Variants in CTNNA2 observed in about 807,000 individuals in gnomAD.
CTNNA2 encodes the protein catenin alpha 2.
A neutral mutation model predicts 101.0 loss-of-function variants in CTNNA2; 42 were observed. The ratio of observed to expected loss-of-function variants is 0.42; its 90% CI spans 0.32 to 0.54. The LOEUF (loss-of-function observed/expected upper bound fraction) is 0.54, where lower values mean the gene tolerates loss of function less well. Ranked by LOEUF, CTNNA2 falls within the 20% of genes least tolerant of loss-of-function variation. The pLI is 0.14. For synonymous variants in CTNNA2, 450 were observed against 456.4 expected (o/e 0.99, Z 0.18); for missense variants, 871 against 1,223.1 (o/e 0.71, Z 4.29).
intron 4 of CTNNA2, among the ~76,000 whole-genome samples, chr2:79,439,669 T>C (rs1030572363): frequency 2.0e-5 from 3 of 152,180 alleles, no homozygotes; most frequent in African/African-American, 7.2e-5. Flanking sequence ...TGGGGCCTGA[T>C]ATTCTGGGTA....
At chr2:80,393,646 G>C (rs751660035) in intron 8 of CTNNA2, among the ~76,000 whole-genome samples, 1 of 152,108 alleles carries the variant, frequency 6.6e-6, no homozygotes, top group Non-Finnish European at 1.5e-5. Flanking sequence ...TCAAACTCCC[G>C]GGAATTTAGT....
At chr2:80,150,333 T>C (rs1311019182) in intron 7 of CTNNA2, among the ~76,000 whole-genome samples, 1 of 152,108 alleles carries the variant, frequency 6.6e-6, no homozygotes, top group African/African-American at 2.4e-5. Context: ...TTTAGCTCCC[T>C]GGCCACAGGG....
intron 8 of CTNNA2, among the ~76,000 whole-genome samples, chr2:80,404,315 C>T (rs13410694): frequency 0.022 from 3,319 of 151,364 alleles, 65 homozygotes; most frequent in South Asian, 0.055. Context: ...AGCTAGCAGT[C>T]GATTTTATTA....
chr2:79,893,104 A>G (rs1318868243), intron 6 of CTNNA2, among the ~76,000 whole-genome samples: 1 of 152,084 alleles, frequency 6.6e-6, no homozygotes, highest in African/African-American at 2.4e-5. Context: ...ATCACTTTTC[A>G]CATATGATAG....
chr2:80,358,107 C>A (rs1417949850), intron 7 of CTNNA2, among the ~76,000 whole-genome samples: 1 of 151,982 alleles, frequency 6.6e-6, no homozygotes, highest in Non-Finnish European at 1.5e-5. Flanking sequence ...TTAGTTTTAT[C>A]ACCCAGAAAG....
chr2:79,768,364 C>A (rs1573919119), intron 3 of CTNNA2, among the ~76,000 whole-genome samples: 1 of 151,080 alleles, frequency 6.6e-6, no homozygotes, highest in Admixed American at 6.6e-5. Context: ...TTTTTAGTGC[C>A]TCTTTCAGTG....
chr2:80,256,820 C>G (rs964794007), intron 7 of CTNNA2, among the ~76,000 whole-genome samples: 2 of 152,144 alleles, frequency 1.3e-5, no homozygotes, highest in Non-Finnish European at 2.9e-5. Flanking sequence ...GAGAATTTCA[C>G]AGCTTGAACA....
intron 18 of CTNNA2, among the ~76,000 whole-genome samples, chr2:80,637,764 A>AGG (rs929129863): frequency 2.6e-5 from 4 of 152,148 alleles, no homozygotes; most frequent in African/African-American, 9.7e-5. Flanking sequence ...TGAAAGAATG[A>AGG]GGAAGGATCG....
At chr2:79,945,099 G>C (rs1688406707) in intron 7 of CTNNA2, among the ~76,000 whole-genome samples, 1 of 152,144 alleles carries the variant, frequency 6.6e-6, no homozygotes, top group Admixed American at 6.5e-5. Context: ...CTGGAGTGCA[G>C]TGGCACCACC....
chr2:79,847,078 C>T (rs754827541), intron 3 of CTNNA2, among the ~76,000 whole-genome samples: 1 of 152,152 alleles, frequency 6.6e-6, no homozygotes, highest in Non-Finnish European at 1.5e-5. Flanking sequence ...AATGCAACCT[C>T]AGCATTAGTT....
Position 80,487,328 on chromosome 2 carries a change from A to G in CTNNA2, c.1291-57654A>G, listed in dbSNP as rs552363211. ...CACAATTTTAATCAATTAAGTCTGT[A>G]TAGTTGTAGTAGTCCATTCTCATGC... On this transcript the variant is annotated intron_variant, in intron 9 of 18. Transcript: ENST00000402739. Among the ~76,000 whole-genome samples the G allele has an allele frequency of 2.6e-5, 4 of 151,778 alleles. 1 individual carries two copies. The South Asian group carries it at 8.3e-4, about 32-fold the overall frequency.
chr2:79,775,028 A>G (rs1673860554), intron 3 of CTNNA2, among the ~76,000 whole-genome samples: 1 of 152,150 alleles, frequency 6.6e-6, no homozygotes. Flanking sequence ...TGCTGAGCTT[A>G]TCTAGTTGGA....
intron 3 of CTNNA2, among the ~76,000 whole-genome samples, chr2:79,313,776 G>C (rs540275425): frequency 6.6e-6 from 1 of 152,278 alleles, no homozygotes; most frequent in East Asian, 1.9e-4. Context: ...TGCCCATAGA[G>C]CCCAGCATGG....
intron 7 of CTNNA2, among the ~76,000 whole-genome samples, chr2:80,004,833 G>T (rs2103981082): frequency 6.6e-6 from 1 of 152,144 alleles, no homozygotes; most frequent in Non-Finnish European, 1.5e-5. Context: ...CTCCCAAGTA[G>T]CTGGGACTAT....
intron 2 of CTNNA2, among the ~76,000 whole-genome samples, chr2:79,258,965 G>T (rs1674885935): frequency 6.9e-6 from 1 of 145,596 alleles, no homozygotes; most frequent in African/African-American, 2.6e-5. Context: ...TTAATCTTTT[G>T]TTGTCTCAAT....
intron 1 of CTNNA2, among the ~76,000 whole-genome samples, chr2:79,520,522 TAAAG>T (rs1053500767): frequency 6.6e-6 from 1 of 152,142 alleles, no homozygotes; most frequent in African/African-American, 2.4e-5. Context: ...TTATCAAAGT[TAAAG>T]AAAGAAGTTT....
intron 7 of CTNNA2, among the ~76,000 whole-genome samples, chr2:80,130,069 T>C (rs1265568716): frequency 2.0e-5 from 3 of 151,838 alleles, no homozygotes; most frequent in Non-Finnish European, 2.9e-5. Context: ...AGAAGAGAAA[T>C]TGAGGCAGAC....
At chr2:79,653,480 A>G (rs1263012832) in intron 2 of CTNNA2, among the ~76,000 whole-genome samples, 2 of 152,088 alleles carry the variant, frequency 1.3e-5, no homozygotes, top group African/African-American at 4.8e-5. Context: ...TTTCATCTCC[A>G]TTTTTGGCCT....
At chr2:80,509,969 T>C (rs1173012660) in intron 9 of CTNNA2, among the ~76,000 whole-genome samples, 8 of 152,212 alleles carry the variant, frequency 5.3e-5, no homozygotes. Flanking sequence ...TCTGTTCTAC[T>C]CTCATTGTAC....
Sources: allele counts gnomAD v4.1 joint callset (sites outside exome capture counted in the v4.1 genomes callset), GRCh38; gene constraint gnomAD v4.1.1; transcripts MANE v1.5; gene names NCBI Gene and HGNC (gene_info 2026-07-23, HGNC 2026-07-21).